The following ATP8B3 variants were observed in gnomAD, a reference collection of about 807,000 sequenced individuals.
The protein encoded by ATP8B3 is ATPase phospholipid transporting 8B3.
Under a neutral mutation model 140.9 loss-of-function variants are expected in ATP8B3, and 141 were observed. That is an observed-to-expected ratio of 1.00 (90% CI 0.87 to 1.15). ATP8B3 has a LOEUF of 1.15. Among genes scored for constraint, ATP8B3 ranks in the 50% most tolerant of loss-of-function variants. The pLI is 0.00. For synonymous variants in ATP8B3, 765 were observed against 714.6 expected (o/e 1.07, Z -1.13); for missense variants, 1,874 against 1,740.6 (o/e 1.08, Z -1.36).
rs749582810 is a variant in ATP8B3 at position 1,792,150 on chromosome 19, G to A, written c.2056-15C>T. On this transcript the variant is annotated splice_polypyrimidine_tract_variant and intron_variant, in intron 18 of 28. Coordinates refer to ENST00000310127, the MANE Select transcript of ATP8B3 (RefSeq NM_138813.4). ...TGGGCAAAGGCCTGGGGGCCGGGCA[G>A]GTGGAAGCTGTCACCATGCTGAAGC... 6.4e-7 allele frequency: 1 copy of A among 1,558,716 alleles called. No homozygotes were observed. Among genetic ancestry groups the A allele is most frequent in the South Asian group, 1.2e-5 (1 of 85,734 alleles).
At position 1,800,280 on chromosome 19, in the gene ATP8B3, ATGG is replaced by A. The variant is rs1188167112; in HGVS notation, c.1319_1321del (p.Thr440del). 1 of 1,611,832 alleles carries A rather than the reference ATGG, an allele frequency of 6.2e-7. No homozygotes were observed. The highest frequency in any genetic ancestry group is 8.5e-7 in the Non-Finnish European group (1 of 1,179,542). On this transcript the variant is annotated inframe_deletion, in exon 13 of 29. Coordinates refer to ENST00000310127, the MANE Select transcript of ATP8B3 (RefSeq NM_138813.4). This position sits in a 1 kb window ranked among gnomAD's most constrained non-coding sequence, Gnocchi z 4.4. ...TCACAGGATGAACATGGACATCGGG[ATGG>A]TGACGCTGAGCAGGATGAGGAAGCT... is the stretch of plus-strand genomic sequence containing the variant.
chr19:1,792,918 AAAAAAAAAAAAG>A (rs2068559294), intron 18 of ATP8B3, among the ~76,000 whole-genome samples: 1 of 46,620 alleles, frequency 2.1e-5, no homozygotes, highest in African/African-American at 1.1e-4. Flanking sequence ...CTGTTTCAAA[AAAAAAAAAAAAG>A]AAAAGAAAAC....
In ATP8B3 at chr19:1,807,333, G is replaced by A; in HGVS notation, c.517-67C>T. On this transcript the variant is annotated intron_variant, in intron 5 of 28. Transcript: ENST00000310127. This position sits in a 1 kb window ranked among gnomAD's most constrained non-coding sequence, Gnocchi z 5.9. ...CCCCCGTCCCCTGCCCTTCCACCAAGCCGACCTAGCCCCGCACTCGACACC... is the reference window on the plus strand; with the variant it reads ...CCCCCGTCCCCTGCCCTTCCACCAAACCGACCTAGCCCCGCACTCGACACC... 1 of 1,319,168 alleles carries A rather than the reference G, an allele frequency of 7.6e-7. No individual in the cohort carries two copies. The highest frequency in any genetic ancestry group is 1.1e-6 in the Non-Finnish European group (1 of 931,056). 81.7% of individuals were successfully genotyped at this position (1,319,168 alleles called of 1,614,324 possible). A position where few individuals can be genotyped will look rare whatever the true frequency, so the allele number is the denominator to read the frequency against.
intron 18 of ATP8B3, among the ~76,000 whole-genome samples, chr19:1,793,287 T>G (rs531237506): frequency 2.6e-3 from 399 of 152,090 alleles, no homozygotes; most frequent in South Asian, 5.8e-3. Flanking sequence ...ATTTTTTAAA[T>G]AGAGGTGGTT....
rs546494554 is a variant in ATP8B3, at chr19:1,806,428, C to T, written c.677+200G>A. On this transcript the variant is annotated intron_variant, in intron 7 of 28. Transcript: ENST00000310127. This position sits in a 1 kb window ranked among gnomAD's most constrained non-coding sequence, Gnocchi z 5.6. ...CCCATCGCCCGAGCCCTAAGCTCTG[C>T]AAGGGTTCGCCATCAGGGCCTCGGC... The T allele has an allele frequency of 1.4e-5, 21 of 1,449,288 alleles. No individual in the cohort carries two copies. In the African/African-American group the frequency reaches 2.3e-4, roughly 16 times the overall value. 89.8% of individuals were successfully genotyped at this position (1,449,288 alleles called of 1,614,324 possible).
At chr19:1,792,246 T>G in intron 18 of ATP8B3, 111 bp from the exon 19 acceptor site, 1 of 1,268,016 alleles carries the variant, frequency 7.9e-7, no homozygotes, top group African/African-American at 1.5e-5. Context: ...ACCAAAAGCC[T>G]GTTGCCTCCC....
In ATP8B3 at chr19:1,799,418, C is replaced by T. The variant is rs868538216; in HGVS notation, c.1552+529G>A. On this transcript the variant is annotated intron_variant, in intron 14 of 28. Transcript: ENST00000310127. ...AGGTTTCAGTGAGCAGAGATCGCAC[C>T]ACTGCACTCCAGCCTGGGCAACGAG... 1.2e-4 allele frequency: 20 copies of T among 166,414 alleles called. No homozygotes were observed. The Middle Eastern group carries it at 0.011, about 89-fold the overall frequency. 10.3% of individuals were successfully genotyped at this position (166,414 alleles called of 1,614,324 possible). A position where few individuals can be genotyped will look rare whatever the true frequency, so the allele number is the denominator to read the frequency against.
At position 1,800,275 on chromosome 19, in the gene ATP8B3, TCGG is replaced by T. The variant is rs1490594072; in HGVS notation, c.1324_1326del (p.Pro442del). On this transcript the variant is annotated inframe_deletion, in exon 13 of 29. Transcript: ENST00000310127. The surrounding 1 kb of genome is among the most constrained non-coding windows in gnomAD (Gnocchi z 4.4). ...GAGACTCACAGGATGAACATGGACA[TCGG>T]GATGGTGACGCTGAGCAGGATGAGG... The T allele has an allele frequency of 6.2e-7, 1 of 1,611,592 alleles. No individual in the cohort carries two copies. Among genetic ancestry groups the T allele is most frequent in the Non-Finnish European group, 8.5e-7 (1 of 1,179,520 alleles).
At position 1,785,465 on chromosome 19, in the gene ATP8B3, C is replaced by T; in HGVS notation, c.3393+4G>A. On this transcript the variant is annotated splice_donor_region_variant and intron_variant, in intron 26 of 28. Transcript: ENST00000310127. ...GGCCCCGGGGAGGTGAGGACCTTGC[C>T]CACCTCCATGGTGATGGACAGCAGG... The T allele has an allele frequency of 6.2e-7, 1 of 1,611,926 alleles. No homozygotes were observed. The highest frequency in any genetic ancestry group is 1.7e-5 in the Admixed American group (1 of 59,956).
chr19:1,805,845 C>T lies in ATP8B3; in HGVS notation c.821+43G>A. 6.2e-7 allele frequency: 1 copy of T among 1,609,390 alleles called. No homozygotes were observed. Among genetic ancestry groups the T allele is most frequent in the South Asian group, 1.1e-5 (1 of 90,958 alleles). On this transcript the variant is annotated intron_variant, in intron 9 of 28. Transcript: ENST00000310127. This position sits in a 1 kb window ranked among gnomAD's most constrained non-coding sequence, Gnocchi z 5.2. ...GGGAAGGGGGCTCCTCCGGGCCATGCTCCCCACCCCCCAGGGTCCCCAGCG... is the reference window on the plus strand; with the variant it reads ...GGGAAGGGGGCTCCTCCGGGCCATGTTCCCCACCCCCCAGGGTCCCCAGCG...
chr19:1,792,515 G>A (rs1261274885), intron 18 of ATP8B3, among the ~76,000 whole-genome samples: 1 of 149,890 alleles, frequency 6.7e-6, no homozygotes, highest in Non-Finnish European at 1.5e-5. Context: ...GGGAGGCGGA[G>A]GTTGCAGCGA....
At chr19:1,810,091 C>T (rs1259254070) in intron 3 of ATP8B3, among the ~76,000 whole-genome samples, 2 of 152,232 alleles carry the variant, frequency 1.3e-5, no homozygotes, top group African/African-American at 4.8e-5. Context: ...GCCATACATC[C>T]AGCTGGCGGC....
chr19:1,809,603 A>G (rs1395847307), intron 4 of ATP8B3, 40 bp downstream of exon 4: 1 of 1,524,698 alleles, frequency 6.6e-7, no homozygotes, highest in Non-Finnish European at 9.0e-7. Context: ...GTACCACGGC[A>G]GCTCCTCTGG....
At chr19:1,784,782 G>A (rs553828577) in intron 28 of ATP8B3, 37 bp downstream of exon 28, 3 of 1,561,578 alleles carry the variant, frequency 1.9e-6, no homozygotes, top group East Asian at 2.3e-5. Context: ...GTCCTGGAAT[G>A]TACCAGATGA....
In ATP8B3 at chr19:1,790,814, C is replaced by CCGATGTT; in HGVS notation, c.2314_2320dup (p.Gly774GlufsTer22). The stretch of plus-strand genomic sequence containing the variant: ...CTCTGACAGCAGCTCGCAGGCGAAG[C>CCGATGTT]CGATGTTCACAGCCGTTTCTGCGAA... On this transcript the variant is annotated frameshift_variant, in exon 21 of 29. Transcript: ENST00000310127. LOFTEE classifies it high-confidence loss of function. The CCGATGTT allele has an allele frequency of 6.2e-7, 1 of 1,602,930 alleles. No individual in the cohort carries two copies. The highest frequency in any genetic ancestry group is 2.3e-5 in the East Asian group (1 of 44,382).
chr19:1,796,746 G>C lies in ATP8B3; in HGVS notation c.1718C>G (p.Thr573Arg). The change falls in exon 16 of 29, where the codon ACG becomes AGG. Residue 573 changes from threonine (T) to arginine (R), a missense_variant. Thr to Arg is a moderately conservative substitution (Grantham distance 71). Around this residue, in one of 3 missense-constraint regions of ATP8B3, gnomAD observed 1,032 missense variants for 963.6 expected, o/e 1.07. Transcript: ENST00000310127. ...ACGGGGGCTCTCCCGCACCATCACC[G>C]TGTGGCAGATGGCCAGCAGGCGCCA... Reference protein sequence around the residue: ...EFWRLLAICHTVMVRESPRER... With the variant: ...EFWRLLAICHRVMVRESPRER... 6.2e-7 allele frequency: 1 copy of C among 1,612,002 alleles called. No homozygotes were observed. The highest frequency in any genetic ancestry group is 8.5e-7 in the Non-Finnish European group (1 of 1,179,594).
At position 1,789,552 on chromosome 19, in the gene ATP8B3, G is replaced by A. The variant is rs1218091543; in HGVS notation, c.2654C>T (p.Ser885Phe). Residue 885 changes from serine to phenylalanine, a missense_variant, in exon 23 of 29, where the codon TCC becomes TTC. Around this residue, in one of 3 missense-constraint regions of ATP8B3, gnomAD observed 840 missense variants for 760.9 expected, o/e 1.10. Coordinates refer to ENST00000310127, the MANE Select transcript of ATP8B3 (RefSeq NM_138813.4). ...LPLAAPPAQD[S>F]RARRSSEVLQ... ...CACCTCGGAGCTACGGCGGGCTCTG[G>A]AGTCCTGGGCTGGCGGTGCAGCCAG... The A allele has an allele frequency of 1.9e-6, 3 of 1,596,322 alleles. No homozygotes were observed. The highest frequency in any genetic ancestry group is 1.1e-5 in the South Asian group (1 of 90,340).
At chr19:1,804,903 G>A (rs899897153) in intron 10 of ATP8B3, among the ~76,000 whole-genome samples, 5 of 152,246 alleles carry the variant, frequency 3.3e-5, no homozygotes, top group Non-Finnish European at 5.9e-5. Flanking sequence ...GCCCATGCAC[G>A]CAGGTGCCTT....
intron 12 of ATP8B3, among the ~76,000 whole-genome samples, chr19:1,801,613 G>C (rs74593459): frequency 0.11 from 17,439 of 151,978 alleles, 1,176 homozygotes; most frequent in African/African-American, 0.17. Flanking sequence ...TTAGCCAGGC[G>C]TGGCGGCGTG....
Sources: gnomAD v4.1 joint callset for allele counts (sites outside exome capture counted in the v4.1 genomes callset) on GRCh38, gnomAD v4.1.1 for gene constraint, gnomAD v4.1.1 regional missense constraint, Gnocchi (gnomAD v3.1) non-coding constraint, MANE v1.5 for transcripts, NCBI Gene and HGNC (gene_info 2026-07-23, HGNC 2026-07-21) for gene names.